Variants in PIP5K1A observed in about 807,000 individuals in gnomAD.
The protein encoded by PIP5K1A is phosphatidylinositol-4-phosphate 5-kinase type 1 alpha.
In PIP5K1A, 46 loss-of-function variants were observed where a neutral mutation model predicts 72.9. The observed-to-expected ratio is 0.63, with a 90% confidence interval of 0.50 to 0.81. The LOEUF is 0.81. Ranked by LOEUF, PIP5K1A falls within the 30% of genes least tolerant of loss-of-function variation. The pLI is 0.00. For missense variants in PIP5K1A, 458 were observed against 706.1 expected, an observed-to-expected ratio of 0.65 and a Z score of 3.98; for synonymous variants, 228 against 255.1, an observed-to-expected ratio of 0.89 and a Z score of 1.01.
At chr1:151,213,234 T>G (rs1385845563) in intron 1 of PIP5K1A, among the ~76,000 whole-genome samples, 2 of 152,134 alleles carry the variant, frequency 1.3e-5, no homozygotes, top group Non-Finnish European at 2.9e-5. Flanking sequence ...GGGGTACTGC[T>G]CCTTGTGGAG....
At chr1:151,229,597 G>A (rs1689729456) in intron 4 of PIP5K1A, among the ~76,000 whole-genome samples, 2 of 151,398 alleles carry the variant, frequency 1.3e-5, no homozygotes, top group Admixed American at 1.3e-4. Flanking sequence ...CTGACCTCAG[G>A]TAATCTGCCT....
chr1:151,219,967 A>G (rs1688187244), intron 1 of PIP5K1A, among the ~76,000 whole-genome samples: 2 of 145,898 alleles, frequency 1.4e-5, no homozygotes. Flanking sequence ...CTGGGATTAT[A>G]GATGTGAGCC....
At chr1:151,222,665 AGAG>A (rs1688542163) in intron 1 of PIP5K1A, among the ~76,000 whole-genome samples, 1 of 152,116 alleles carries the variant, frequency 6.6e-6, no homozygotes, top group South Asian at 2.1e-4. Flanking sequence ...TCTGGGTAAA[AGAG>A]GAGAGGATAG....
intron 1 of PIP5K1A, 88 bp from the exon 2 acceptor site, chr1:151,224,157 T>C: frequency 8.3e-7 from 1 of 1,203,940 alleles, no homozygotes; most frequent in South Asian, 1.2e-5. Context: ...TTATGTTTAG[T>C]TTGACTCAAA....
intron 10 of PIP5K1A, 93 bp downstream of exon 10, chr1:151,238,358 G>T: frequency 1.2e-6 from 1 of 846,148 alleles, no homozygotes. Flanking sequence ...AAGTTCTTCC[G>T]GAAGCAAGAA....
At position 151,199,032 on chromosome 1, in the gene PIP5K1A, C is replaced by A; in HGVS notation, c.36C>A (p.Val12=). 1 of 1,614,194 alleles carries A rather than the reference C, an allele frequency of 6.2e-7. No homozygotes were observed. The highest frequency in any genetic ancestry group is 1.3e-5 in the African/African-American group (1 of 75,078). ...CCTCCTCCGGGCCGTCGTCTTCGGT[C>A]GGTTTTTCATCCTTTGATCCCGCGG... ...ASASSGPSSS[V]GFSSFDPAVP... The change falls in exon 1 of 16, where the codon GTC becomes GTA. Residue 12 remains valine, a synonymous_variant. Transcript: ENST00000368888.
At chr1:151,199,148 A>T in intron 1 of PIP5K1A, 67 bp downstream of exon 1, 1 of 1,610,488 alleles carries the variant, frequency 6.2e-7, no homozygotes, top group Non-Finnish European at 8.5e-7. Flanking sequence ...AGCGAGACCT[A>T]AGAGGGTACC....
At chr1:151,213,215 T>TC (rs1687108105) in intron 1 of PIP5K1A, among the ~76,000 whole-genome samples, 1 of 152,128 alleles carries the variant, frequency 6.6e-6, no homozygotes. Flanking sequence ...ATAAAATTTG[T>TC]ATTTTTTTGG....
intron 4 of PIP5K1A, among the ~76,000 whole-genome samples, chr1:151,227,657 G>A (rs187981498): frequency 2.3e-4 from 35 of 152,166 alleles, no homozygotes; most frequent in South Asian, 4.1e-4. Flanking sequence ...TTGGGAAGCC[G>A]AGGCAGGCAG....
In PIP5K1A at chr1:151,238,287, A is replaced by C. The variant is rs776164743; in HGVS notation, c.1229+22A>C. 5.5e-6 allele frequency: 8 copies of C among 1,441,444 alleles called. No individual in the cohort carries two copies. In the South Asian group the frequency reaches 9.1e-5, roughly 16 times the overall value. 89.3% of individuals were successfully genotyped at this position (1,441,444 alleles called of 1,614,324 possible). A position where few individuals can be genotyped will look rare whatever the true frequency, so the allele number is the denominator to read the frequency against. On this transcript the variant is annotated intron_variant, in intron 10 of 15. Coordinates refer to ENST00000368888, the MANE Select transcript of PIP5K1A (RefSeq NM_001135638.2). The stretch of plus-strand genomic sequence containing the variant: ...ACAGGTGAGGAGCATATGGATCCCA[A>C]ATTAAGAGAGGGTGGATACAGATAA...
At chr1:151,197,373 G>A (rs1363773137), upstream of PIP5K1A, among the ~76,000 whole-genome samples, 1 of 152,028 alleles carries the variant, frequency 6.6e-6, no homozygotes, top group Non-Finnish European at 1.5e-5. Flanking sequence ...CCGCCTCCCA[G>A]GTTCATGCCA....
At chr1:151,195,806 A>C (rs375256792), upstream of PIP5K1A, among the ~76,000 whole-genome samples, 1 of 147,874 alleles carries the variant, frequency 6.8e-6, no homozygotes, top group East Asian at 2.0e-4. Flanking sequence ...CCTCTGTTTG[A>C]CTGCGTTGGT....
In PIP5K1A at chr1:151,232,613, C is replaced by G; in HGVS notation, c.549C>G (p.Phe183Leu). The change falls in exon 7 of 16, where the codon TTC becomes TTG. Residue 183 changes from phenylalanine (F) to leucine (L), a missense_variant. This residue lies in a region of PIP5K1A where 220 missense variants were observed against 442.6 expected (regional missense o/e 0.50). Transcript: ENST00000368888. ...GCTCTGGAGCTAGTGGTTCCCTATT[C>G]TATGTGTCCAGCGACGATGAGTTCA... is the stretch of plus-strand genomic sequence containing the variant. ...LCSSGASGSLFYVSSDDEFII... is the reference protein window; with the variant it reads ...LCSSGASGSLLYVSSDDEFII... 6.2e-7 allele frequency: 1 copy of G among 1,611,470 alleles called. No individual in the cohort carries two copies.
At chr1:151,244,612 C>T (rs1406774882) in intron 14 of PIP5K1A, among the ~76,000 whole-genome samples, 1 of 152,108 alleles carries the variant, frequency 6.6e-6, no homozygotes, top group African/African-American at 2.4e-5. Context: ...GCCGAAATCG[C>T]GCCACTGGAC....
intron 5 of PIP5K1A, among the ~76,000 whole-genome samples, 193 bp from the exon 6 acceptor site, chr1:151,232,055 T>C (rs1214878019): frequency 6.6e-6 from 1 of 152,166 alleles, no homozygotes; most frequent in Admixed American, 6.6e-5. Flanking sequence ...TGTGATTTCT[T>C]CTTCTTCTTA....
intron 1 of PIP5K1A, among the ~76,000 whole-genome samples, chr1:151,209,189 G>A (rs188238793): frequency 6.6e-6 from 1 of 152,240 alleles, no homozygotes; most frequent in African/African-American, 2.4e-5. Flanking sequence ...AAGTTAACTA[G>A]GACCAGAGAG....
chr1:151,242,957 A>G (rs1691976087), intron 14 of PIP5K1A, among the ~76,000 whole-genome samples: 1 of 152,212 alleles, frequency 6.6e-6, no homozygotes, highest in Non-Finnish European at 1.5e-5. Context: ...ACTTCTCCAT[A>G]GGACAGCTCA....
chr1:151,237,913 G>C (rs1389418876), intron 9 of PIP5K1A, among the ~76,000 whole-genome samples: 1 of 152,118 alleles, frequency 6.6e-6, no homozygotes, highest in African/African-American at 2.4e-5. Flanking sequence ...TCTCTTTGGT[G>C]GAATCAGAGT....
intron 1 of PIP5K1A, among the ~76,000 whole-genome samples, chr1:151,215,417 G>A (rs932250572): frequency 2.7e-5 from 4 of 150,062 alleles, no homozygotes; most frequent in Non-Finnish European, 5.9e-5. Flanking sequence ...TTCCAGCTCT[G>A]CCTCCTGGGT....
Sources: gnomAD v4.1 joint callset for allele counts (sites outside exome capture counted in the v4.1 genomes callset) on GRCh38, gnomAD v4.1.1 for gene constraint, gnomAD v4.1.1 regional missense constraint, MANE v1.5 for transcripts, NCBI Gene and HGNC (gene_info 2026-07-23, HGNC 2026-07-21) for gene names.